The following PYGO1 variants were observed in gnomAD, a reference collection of about 807,000 sequenced individuals.
The protein encoded by PYGO1 is pygopus family PHD finger 1, also known as pygopus homolog 1.
Under a neutral mutation model 29.5 loss-of-function variants are expected in PYGO1, and 6 were observed. That is an observed-to-expected ratio of 0.20 (90% CI 0.11 to 0.40). PYGO1 has a LOEUF of 0.40. Among genes scored for constraint, PYGO1 ranks in the 10% least tolerant of loss-of-function variants. The pLI, the probability that PYGO1 is intolerant of heterozygous loss-of-function variation, is 1.00. For synonymous variants in PYGO1, 186 were observed against 180.5 expected, an observed-to-expected ratio of 1.03 and a Z score of -0.24; for missense variants, 515 against 514.9, an observed-to-expected ratio of 1.00 and a Z score of 0.00.
chr15:55,544,696 T>C lies in PYGO1; in HGVS notation c.*1327A>G, dbSNP rs2058841960. ...CACACAATCTTCAGAATTTTTTTGGTTGCAATGATAATGGTGGCAACATAT... is the reference window on the plus strand; with the variant it reads ...CACACAATCTTCAGAATTTTTTTGGCTGCAATGATAATGGTGGCAACATAT... On this transcript the variant is annotated 3_prime_UTR_variant, in exon 3 of 3. Coordinates refer to ENST00000563719, the MANE Select transcript of PYGO1 (RefSeq NM_001367806.1). The C allele has an allele frequency of 6.6e-6, 1 of 152,212 alleles. No homozygotes were observed. Among genetic ancestry groups the C allele is most frequent in the African/African-American group, 2.4e-5 (1 of 41,466 alleles). 9.4% of individuals were successfully genotyped at this position (152,212 alleles called of 1,614,324 possible).
intron 1 of PYGO1, among the ~76,000 whole-genome samples, chr15:55,556,788 C>T (rs1032954317): frequency 3.0e-5 from 1 of 33,018 alleles, no homozygotes; most frequent in African/African-American, 8.5e-5. Context: ...TAGACACAAT[C>T]AGAAATGAAA....
intron 1 of PYGO1, among the ~76,000 whole-genome samples, chr15:55,564,416 G>A (rs11639446): frequency 0.054 from 8,162 of 152,250 alleles, 277 homozygotes; most frequent in Middle Eastern, 0.068. Flanking sequence ...CACTAGGAAA[G>A]GGAGGAAATT....
At chr15:55,580,329 C>A (rs1156832393) in intron 1 of PYGO1, among the ~76,000 whole-genome samples, 1 of 152,080 alleles carries the variant, frequency 6.6e-6, no homozygotes, top group Non-Finnish European at 1.5e-5. Context: ...CATTTCTGTT[C>A]TCTTCACACC....
intron 1 of PYGO1, among the ~76,000 whole-genome samples, chr15:55,565,342 T>G (rs549510228): frequency 6.6e-6 from 1 of 152,156 alleles, no homozygotes; most frequent in Non-Finnish European, 1.5e-5. Context: ...AATGGTCATA[T>G]TTTCATCTGT....
chr15:55,588,158 G>C lies in PYGO1; in HGVS notation c.-275C>G. 6 of 562,152 alleles carry C rather than the reference G, an allele frequency of 1.1e-5. No homozygotes were observed. The highest frequency in any genetic ancestry group is 1.1e-5 in the Non-Finnish European group (5 of 445,356). 34.8% of individuals were successfully genotyped at this position (562,152 alleles called of 1,614,324 possible). ...CGGCCTGGGGGCGGCCCCCCACCCG[G>C]GGCCGGCATGTGCTGAGGGCGAGTG... On this transcript the variant is annotated 5_prime_UTR_variant, in exon 1 of 3. Transcript: ENST00000563719.
chr15:55,546,974 T>G lies in PYGO1; in HGVS notation c.309A>C (p.Thr103=). Residue 103 remains threonine (T), a synonymous_variant, in exon 3 of 3, where the codon ACA becomes ACC. Transcript: ENST00000563719. Reference sequence around the variant, plus strand: ...GGGGAACGTGAGGTGGCATTCTGAATGTACTATAGCCTCCAAAGCCAGGAT... The same window carrying G: ...GGGGAACGTGAGGTGGCATTCTGAAGGTACTATAGCCTCCAAAGCCAGGAT... ...PGYPGFGGYS[T]FRMPPHVPPR... The G allele has an allele frequency of 6.2e-7, 1 of 1,614,064 alleles. No homozygotes were observed. Among genetic ancestry groups the G allele is most frequent in the Non-Finnish European group, 8.5e-7 (1 of 1,179,978 alleles).
At chr15:55,570,179 T>C (rs562613837) in intron 1 of PYGO1, among the ~76,000 whole-genome samples, 9 of 152,314 alleles carry the variant, frequency 5.9e-5, no homozygotes, top group Non-Finnish European at 8.8e-5. Context: ...TGTTTGCCAG[T>C]GTTCTCCTCT....
At chr15:55,577,428 G>A (rs1268040241) in intron 1 of PYGO1, among the ~76,000 whole-genome samples, 1 of 152,110 alleles carries the variant, frequency 6.6e-6, no homozygotes, top group Non-Finnish European at 1.5e-5. Flanking sequence ...ATGGGTACAT[G>A]CTTAACCTTG....
At chr15:55,557,246 A>G (rs1205552648) in intron 1 of PYGO1, among the ~76,000 whole-genome samples, 5 of 152,208 alleles carry the variant, frequency 3.3e-5, no homozygotes, top group East Asian at 1.9e-4. Flanking sequence ...AATCTAGAAG[A>G]AATGCATAAA....
intron 1 of PYGO1, among the ~76,000 whole-genome samples, chr15:55,557,432 T>C (rs1256112026): frequency 2.6e-5 from 4 of 152,110 alleles, no homozygotes; most frequent in Non-Finnish European, 5.9e-5. Context: ...GAGCTGGTAC[T>C]ATTCCTTCTG....
intron 1 of PYGO1, among the ~76,000 whole-genome samples, chr15:55,552,528 G>A (rs2058883969): frequency 6.6e-6 from 1 of 151,810 alleles, no homozygotes; most frequent in Non-Finnish European, 1.5e-5. Context: ...AGAAAAATGG[G>A]GTAGGGCAAT....
intron 1 of PYGO1, among the ~76,000 whole-genome samples, chr15:55,554,486 A>AAAAAAAAAAAAAAC: frequency 6.8e-6 from 1 of 145,988 alleles, no homozygotes; most frequent in Non-Finnish European, 1.5e-5. Flanking sequence ...AAAAAAAAAA[A>AAAAAAAAAAAAAAC]AAAAAAAGAA....
intron 1 of PYGO1, among the ~76,000 whole-genome samples, chr15:55,578,745 C>T (rs1045557910): frequency 6.6e-6 from 1 of 152,142 alleles, no homozygotes; most frequent in Non-Finnish European, 1.5e-5. Flanking sequence ...ATTCTGGGTA[C>T]TAAACTCTTA....
At chr15:55,581,944 T>C (rs1427641931) in intron 1 of PYGO1, among the ~76,000 whole-genome samples, 5 of 152,130 alleles carry the variant, frequency 3.3e-5, no homozygotes, top group African/African-American at 1.2e-4. Flanking sequence ...CAGTGGCTCA[T>C]GCCTACAATC....
At chr15:55,573,692 C>T (rs1411121143) in intron 1 of PYGO1, among the ~76,000 whole-genome samples, 1 of 152,126 alleles carries the variant, frequency 6.6e-6, no homozygotes, top group Non-Finnish European at 1.5e-5. Context: ...ATACTCTGTG[C>T]AGTCAAAAGT....
At chr15:55,581,799 G>C (rs1371471668) in intron 1 of PYGO1, among the ~76,000 whole-genome samples, 1 of 124,918 alleles carries the variant, frequency 8.0e-6, no homozygotes, top group African/African-American at 3.1e-5. Flanking sequence ...GATTAAGAGG[G>C]ACTAAGGGGG....
rs1432874076 is a variant in PYGO1 at position 55,587,945 on chromosome 15, G to A, written c.-62C>T. On this transcript the variant is annotated 5_prime_UTR_variant, in exon 1 of 3. Coordinates refer to ENST00000563719, the MANE Select transcript of PYGO1 (RefSeq NM_001367806.1). ...GGAATTCGGTCTCTTTGATGCTGCG[G>A]CGGCGGCTCCTCCTCCTCGCGGGGC... 1.4e-6 allele frequency: 2 copies of A among 1,447,694 alleles called. No individual in the cohort carries two copies. Among genetic ancestry groups the A allele is most frequent in the African/African-American group, 1.5e-5 (1 of 68,196 alleles). 89.7% of individuals were successfully genotyped at this position (1,447,694 alleles called of 1,614,324 possible). A position where few individuals can be genotyped will look rare whatever the true frequency, so the allele number is the denominator to read the frequency against.
chr15:55,557,251 CA>C (rs2058910327), intron 1 of PYGO1, among the ~76,000 whole-genome samples: 8 of 151,932 alleles, frequency 5.3e-5, no homozygotes, highest in Non-Finnish European at 8.8e-5. Context: ...AGAAGAAATG[CA>C]TAAATTCCTC....
intron 1 of PYGO1, among the ~76,000 whole-genome samples, chr15:55,573,904 T>C (rs953250414): frequency 1.3e-5 from 2 of 152,262 alleles, no homozygotes; most frequent in African/African-American, 4.8e-5. Context: ...TTTATAGTAC[T>C]ATATTTATCA....
Sources: allele counts gnomAD v4.1 joint callset (sites outside exome capture counted in the v4.1 genomes callset), GRCh38; gene constraint gnomAD v4.1.1; transcripts MANE v1.5; gene names NCBI Gene and HGNC (gene_info 2026-07-23, HGNC 2026-07-21).